Variants in DCC observed in about 807,000 individuals in gnomAD.
DCC encodes DCC netrin 1 receptor.
Under a neutral mutation model 172.5 loss-of-function variants are expected in DCC, and 58 were observed. The observed-to-expected ratio is 0.34, with a 90% CI of 0.27 to 0.42. The LOEUF is 0.42. DCC is among the 10% of genes least tolerant of loss of function. DCC has a pLI of 1.00. For synonymous variants in DCC, 709 were observed against 644.5 expected, an observed-to-expected ratio of 1.10 and a Z score of -1.52; for missense variants, 1,740 against 1,791.0, an observed-to-expected ratio of 0.97 and a Z score of 0.51.
chr18:53,486,726 A>T, intron 25 of DCC, 71 bp from the exon 26 acceptor site: 1 of 1,606,072 alleles, frequency 6.2e-7, no homozygotes, highest in East Asian at 2.2e-5. Flanking sequence ...TGAAAATTCC[A>T]CCGTTTTCTT....
In DCC at chr18:52,924,092, A is replaced by G. The variant is rs2040164473; in HGVS notation, c.848+235A>G. On this transcript the variant is annotated intron_variant, in intron 4 of 28. Transcript: ENST00000442544. ...ATCAATTCTGAAAGGAAACTGAGGA[A>G]GTCAGGGCTGCCTTTGAGATGGTCC... Among the ~76,000 whole-genome samples, 3 of 152,236 alleles carry G rather than the reference A, an allele frequency of 2.0e-5. No homozygotes were observed. In the South Asian group the frequency reaches 6.2e-4, roughly 32 times the overall value.
At chr18:52,830,913 A>G (rs2038601987) in intron 2 of DCC, among the ~76,000 whole-genome samples, 2 of 152,144 alleles carry the variant, frequency 1.3e-5, no homozygotes, top group South Asian at 4.1e-4. Flanking sequence ...GGGAGAAGAC[A>G]AAAATAATGG....
At chr18:53,015,603 A>G (rs1255839890) in intron 5 of DCC, among the ~76,000 whole-genome samples, 1 of 152,146 alleles carries the variant, frequency 6.6e-6, no homozygotes, top group Non-Finnish European at 1.5e-5. Context: ...TCTTCAGCTT[A>G]GAAGAGGTTA....
At chr18:52,518,891 C>G (rs1270276234) in intron 1 of DCC, among the ~76,000 whole-genome samples, 1 of 152,186 alleles carries the variant, frequency 6.6e-6, no homozygotes, top group African/African-American at 2.4e-5. Flanking sequence ...TCACCTTACC[C>G]TTCTCTCAGG....
intron 14 of DCC, among the ~76,000 whole-genome samples, chr18:53,324,602 C>G (rs1342033057): frequency 6.6e-6 from 1 of 151,918 alleles, no homozygotes; most frequent in African/African-American, 2.4e-5. Flanking sequence ...CAGACTAGAG[C>G]CCTTCAAGTA....
chr18:53,268,667 G>A (rs527668345), intron 12 of DCC, among the ~76,000 whole-genome samples: 91 of 152,248 alleles, frequency 6.0e-4, no homozygotes, highest in African/African-American at 1.9e-3. Flanking sequence ...AATCTCACAA[G>A]TTTAAAATGG....
At chr18:53,201,332 C>A (rs1015833640) in intron 9 of DCC, among the ~76,000 whole-genome samples, 1 of 152,118 alleles carries the variant, frequency 6.6e-6, no homozygotes, top group Non-Finnish European at 1.5e-5. Context: ...CACAAGAGAG[C>A]AAGAAGGAAC....
chr18:52,944,324 C>G (rs990197970), intron 5 of DCC, among the ~76,000 whole-genome samples: 1 of 152,108 alleles, frequency 6.6e-6, no homozygotes, highest in African/African-American at 2.4e-5. Flanking sequence ...GGAAATGATA[C>G]TTCGAATTCC....
Position 52,752,252 on chromosome 18 carries a change from T to G in DCC, c.290T>G (p.Leu97Arg). ...ERKQQLSNGSLLIQNILHSRH... is the reference protein window; with the variant it reads ...ERKQQLSNGSRLIQNILHSRH... ...AAGCAGCAACTTTCAAATGGGTCTC[T>G]GCTGATACAAAACATACTTCATTCC... The change falls in exon 2 of 29, where the codon CTG becomes CGG. Residue 97 changes from leucine (L) to arginine (R), a missense_variant. Coordinates refer to ENST00000442544, the MANE Select transcript of DCC (RefSeq NM_005215.4). The G allele has an allele frequency of 1.2e-6, 2 of 1,614,186 alleles. No homozygotes were observed. The highest frequency in any genetic ancestry group is 1.7e-6 in the Non-Finnish European group (2 of 1,180,040).
chr18:52,914,149 C>T (rs1479119243), intron 3 of DCC, among the ~76,000 whole-genome samples: 2 of 151,742 alleles, frequency 1.3e-5, no homozygotes, highest in Admixed American at 6.6e-5. Flanking sequence ...CTAACTTTGA[C>T]ACATCATAAT....
intron 12 of DCC, among the ~76,000 whole-genome samples, chr18:53,224,181 G>A (rs2055987017): frequency 6.6e-6 from 1 of 152,134 alleles, no homozygotes; most frequent in African/African-American, 2.4e-5. Flanking sequence ...TAGAATTTGA[G>A]GACCTCATTT....
chr18:52,769,661 T>C (rs1184134760), intron 2 of DCC, among the ~76,000 whole-genome samples: 2 of 152,190 alleles, frequency 1.3e-5, no homozygotes, highest in African/African-American at 4.8e-5. Context: ...AAGCCATCTC[T>C]ATACCCAAGA....
At chr18:53,072,551 A>G (rs2042668920) in intron 7 of DCC, among the ~76,000 whole-genome samples, 1 of 152,176 alleles carries the variant, frequency 6.6e-6, no homozygotes, top group Non-Finnish European at 1.5e-5. Flanking sequence ...CTGGGAATGC[A>G]CCTACGATAG....
At chr18:53,410,114 A>G (rs1038443144) in intron 19 of DCC, among the ~76,000 whole-genome samples, 4 of 152,226 alleles carry the variant, frequency 2.6e-5, no homozygotes, top group African/African-American at 9.6e-5. Context: ...GGAAAATTAT[A>G]CAGACTTGTT....
chr18:52,919,783 C>T (rs1598930399), intron 3 of DCC, among the ~76,000 whole-genome samples: 1 of 151,874 alleles, frequency 6.6e-6, no homozygotes, highest in Non-Finnish European at 1.5e-5. Flanking sequence ...GAGCACAATA[C>T]TGAATAAGAA....
rs185564275 is a variant in DCC, at chr18:52,776,725, A to C, written c.412+24351A>C. 7.0e-3 allele frequency among the ~76,000 whole-genome samples: 1,068 copies of C among 152,330 alleles called. 7 individuals are homozygous for C. The highest frequency in any genetic ancestry group is 0.011 in the Non-Finnish European group (736 of 68,040). ...AGAGAAAAACGCACATACATACCAA[A>C]ACATACTCAGTCTCCCTGTGACTCC... On this transcript the variant is annotated intron_variant, in intron 2 of 28. Transcript: ENST00000442544.
intron 1 of DCC, among the ~76,000 whole-genome samples, chr18:52,703,537 T>C (rs1410354448): frequency 6.6e-6 from 1 of 151,460 alleles, no homozygotes. Flanking sequence ...TGAGACTCTA[T>C]ACAAATCAAG....
At chr18:52,854,551 C>T (rs1367681188) in intron 2 of DCC, among the ~76,000 whole-genome samples, 2 of 152,164 alleles carry the variant, frequency 1.3e-5, no homozygotes, top group Admixed American at 6.5e-5. Flanking sequence ...AAGTAAGTAT[C>T]AAATCATTTA....
At chr18:53,313,567 A>C (rs2057308998) in intron 13 of DCC, among the ~76,000 whole-genome samples, 2 of 152,122 alleles carry the variant, frequency 1.3e-5, no homozygotes, top group African/African-American at 2.4e-5. Context: ...CAAGAGAACA[A>C]ATTAACTCTT....
Sources: allele counts gnomAD v4.1 joint callset (sites outside exome capture counted in the v4.1 genomes callset), GRCh38; gene constraint gnomAD v4.1.1; transcripts MANE v1.5; gene names NCBI Gene and HGNC (gene_info 2026-07-23, HGNC 2026-07-21).